Variants in NEXN observed in about 807,000 individuals in gnomAD.
NEXN encodes the protein nexilin.
NEXN carries 65 observed loss-of-function variants against 92.6 expected under a neutral mutation model. The observed-to-expected ratio is 0.70, with a 90% CI of 0.57 to 0.86. NEXN has a LOEUF of 0.86. Among genes scored for constraint, NEXN ranks in the 40% least tolerant of loss-of-function variants. NEXN has a pLI of 0.00. For missense variants in NEXN, 778 were observed against 771.1 expected (o/e 1.01, Z -0.11); for synonymous variants, 254 against 242.5 (o/e 1.05, Z -0.44).
At chr1:77,932,224 C>A (rs1650370034) in intron 9 of NEXN, among the ~76,000 whole-genome samples, 1 of 152,206 alleles carries the variant, frequency 6.6e-6, no homozygotes, top group South Asian at 2.1e-4. Context: ...CTGTGCCCGG[C>A]CTATAATCTT....
At chr1:77,921,810 C>T (rs553168034) in intron 5 of NEXN, among the ~76,000 whole-genome samples, 103 of 152,122 alleles carry the variant, frequency 6.8e-4, no homozygotes, top group African/African-American at 2.4e-3. Context: ...ACTTGGGAGG[C>T]TGCGGTGGGA....
chr1:77,915,436 T>C (rs1392513141), intron 1 of NEXN, among the ~76,000 whole-genome samples: 3 of 152,174 alleles, frequency 2.0e-5, no homozygotes, highest in South Asian at 4.1e-4. Context: ...GAGACCATCC[T>C]GGCTAACACG....
rs930209052 is a variant in NEXN at position 77,942,934 on chromosome 1, A to G, written c.*105A>G. Reference sequence around the variant, plus strand: ...ACTAGCTCCCCTCCCCTCTCCCTGGAACTTTCTCTTTCACTCCAACTTTCT... The same window carrying G: ...ACTAGCTCCCCTCCCCTCTCCCTGGGACTTTCTCTTTCACTCCAACTTTCT... On this transcript the variant is annotated 3_prime_UTR_variant, in exon 13 of 13. Transcript: ENST00000334785. 4.2e-6 allele frequency: 6 copies of G among 1,445,356 alleles called. No individual in the cohort carries two copies. The highest frequency in any genetic ancestry group is 5.7e-6 in the Non-Finnish European group (6 of 1,056,308). The allele number at this position is 1,445,356 out of a possible 1,614,324, so 89.5% of individuals were successfully genotyped here.
chr1:77,909,219 A>C (rs1648373250), intron 1 of NEXN, among the ~76,000 whole-genome samples: 1 of 152,116 alleles, frequency 6.6e-6, no homozygotes, highest in African/African-American at 2.4e-5. Flanking sequence ...TCAGGAGTTC[A>C]AGACCAGCCT....
At chr1:77,933,592 T>C in intron 10 of NEXN, 113 bp downstream of exon 10, 1 of 838,378 alleles carries the variant, frequency 1.2e-6, no homozygotes, top group Non-Finnish European at 2.0e-6. Flanking sequence ...GTTGACATAG[T>C]ATTATGAGGT....
chr1:77,922,660 C>T (rs1187463764), intron 5 of NEXN, among the ~76,000 whole-genome samples: 2 of 150,964 alleles, frequency 1.3e-5, no homozygotes, highest in East Asian at 2.0e-4. Context: ...TGCAGTGGCA[C>T]GATCTCAGCT....
At chr1:77,926,366 C>A in intron 6 of NEXN, 48 bp from the exon 7 acceptor site, 1 of 1,392,150 alleles carries the variant, frequency 7.2e-7, no homozygotes, top group Non-Finnish European at 1.0e-6. Flanking sequence ...CCATGAAACC[C>A]AATTTTGATT....
At chr1:77,916,198 A>G in intron 2 of NEXN, 65 bp downstream of exon 2, 1 of 1,291,516 alleles carries the variant, frequency 7.7e-7, no homozygotes, top group Non-Finnish European at 1.1e-6. Flanking sequence ...AGAATTGCTG[A>G]AAGGACAGTC....
chr1:77,915,997 AATAC>A, intron 1 of NEXN, 54 bp from the exon 2 acceptor site: 1 of 540,262 alleles, frequency 1.9e-6, no homozygotes, highest in Non-Finnish European at 2.7e-6. Flanking sequence ...TATTTATAAA[AATAC>A]ATAATATATT....
At chr1:77,895,688 AC>A (rs2102033467) in intron 1 of NEXN, among the ~76,000 whole-genome samples, 1 of 151,800 alleles carries the variant, frequency 6.6e-6, no homozygotes, top group East Asian at 1.9e-4. Flanking sequence ...ACATGGTGAA[AC>A]CCCATCTCTG....
intron 1 of NEXN, among the ~76,000 whole-genome samples, chr1:77,900,361 T>C (rs1647599123): frequency 6.6e-6 from 1 of 152,222 alleles, no homozygotes; most frequent in South Asian, 2.1e-4. Flanking sequence ...TCCATGTTTC[T>C]ATAGCCTGGT....
intron 1 of NEXN, among the ~76,000 whole-genome samples, chr1:77,890,813 G>A (rs1647089201): frequency 6.6e-6 from 1 of 152,146 alleles, no homozygotes; most frequent in Non-Finnish European, 1.5e-5. Flanking sequence ...ATAATGCAGT[G>A]AATGTGGAAA....
Position 77,916,043 on chromosome 1 carries a change from A to G in NEXN, c.-52-12A>G. On this transcript the variant is annotated splice_polypyrimidine_tract_variant and intron_variant, in intron 1 of 12. Transcript: ENST00000334785. Reference sequence around the variant, plus strand: ...AAATTAAAATTTATTATACAATATAAATTTTTTTCAGGTGCAAATATATAC... The same window carrying G: ...AAATTAAAATTTATTATACAATATAGATTTTTTTCAGGTGCAAATATATAC... The G allele has an allele frequency of 9.4e-7, 1 of 1,065,690 alleles. No homozygotes were observed. Among genetic ancestry groups the G allele is most frequent in the Admixed American group, 2.8e-5 (1 of 35,562 alleles). The allele number at this position is 1,065,690 out of a possible 1,614,324, so 66.0% of individuals were successfully genotyped here.
chr1:77,910,420 A>G (rs150997811), intron 1 of NEXN, among the ~76,000 whole-genome samples: 14 of 152,328 alleles, frequency 9.2e-5, no homozygotes, highest in African/African-American at 3.4e-4. Flanking sequence ...CTATGTATGT[A>G]GAAAATCTGA....
chr1:77,941,489 C>T (rs531543086), intron 11 of NEXN, among the ~76,000 whole-genome samples: 1 of 152,202 alleles, frequency 6.6e-6, no homozygotes, highest in Admixed American at 6.5e-5. Context: ...TCAGCCATTG[C>T]CTCTTTCAAC....
chr1:77,896,888 G>A (rs905332483), intron 1 of NEXN, among the ~76,000 whole-genome samples: 2 of 152,126 alleles, frequency 1.3e-5, no homozygotes, highest in Non-Finnish European at 1.5e-5. Flanking sequence ...ACACCTCTAC[G>A]CAAATAAACT....
intron 5 of NEXN, among the ~76,000 whole-genome samples, chr1:77,923,566 A>T (rs1380058552): frequency 6.6e-6 from 1 of 152,016 alleles, no homozygotes; most frequent in Non-Finnish European, 1.5e-5. Flanking sequence ...TAAACACTGC[A>T]TTATTTAAAC....
intron 1 of NEXN, among the ~76,000 whole-genome samples, chr1:77,895,029 ATTTTTTTTTTTTTTTTTTTT>A (rs559226754): frequency 1.6e-5 from 1 of 61,630 alleles, no homozygotes; most frequent in African/African-American, 6.8e-5. Context: ...CTATAGTGTA[ATTTTTTTTTTTTTTTTTTTT>A]TTTTTTTTTT....
rs779350415 is a variant in NEXN at position 77,942,158 on chromosome 1, T to TA, written c.1609_1610insA (p.Leu537TyrfsTer7). On this transcript the variant is annotated frameshift_variant, in exon 12 of 13. Transcript: ENST00000334785. LOFTEE classifies it high-confidence loss of function. ...ACAAAGAAGAATTGAAGAACAAAAG[T>TA]TACTACGCATGCAGTTTGAACAAAG... The TA allele has an allele frequency of 3.3e-5, 53 of 1,613,672 alleles. No individual in the cohort carries two copies. Among genetic ancestry groups the TA allele is most frequent in the Non-Finnish European group, 4.2e-5 (50 of 1,179,752 alleles).
Sources: allele counts gnomAD v4.1 joint callset (sites outside exome capture counted in the v4.1 genomes callset), GRCh38; gene constraint gnomAD v4.1.1; transcripts MANE v1.5; gene names NCBI Gene and HGNC (gene_info 2026-07-23, HGNC 2026-07-21).